The following TSBP1 variants were observed in gnomAD, a reference collection of about 807,000 sequenced individuals.
TSBP1 encodes testis-expressed basic protein 1.
Under a neutral mutation model 68.8 loss-of-function variants are expected in TSBP1, and 56 were observed. The ratio of observed to expected loss-of-function variants is 0.81; its 90% confidence interval spans 0.66 to 1.02. The LOEUF is 1.02. TSBP1 is among the 50% of genes least tolerant of loss of function. TSBP1 has a pLI of 0.00. For synonymous variants in TSBP1, 171 were observed against 208.7 expected, an observed-to-expected ratio of 0.82 and a Z score of 1.56; for missense variants, 502 against 641.2, an observed-to-expected ratio of 0.78 and a Z score of 2.34.
At chr6:32,319,618 T>C (rs1767377668) in intron 18 of TSBP1, among the ~76,000 whole-genome samples, 1 of 151,998 alleles carries the variant, frequency 6.6e-6, no homozygotes, top group Non-Finnish European at 1.5e-5. Flanking sequence ...GTTTTGCACC[T>C]CCATAGCAGG....
At chr6:32,299,855 C>T in intron 22 of TSBP1, 67 bp downstream of exon 25, 2 of 1,319,970 alleles carry the variant, frequency 1.5e-6, no homozygotes, top group Admixed American at 1.7e-5. Flanking sequence ...GGAGTAGAAA[C>T]AGACAGGTCA....
chr6:32,297,857 G>A (rs1254377457), intron 22 of TSBP1, among the ~76,000 whole-genome samples: 4 of 151,954 alleles, frequency 2.6e-5, no homozygotes, highest in African/African-American at 9.7e-5. Flanking sequence ...CCAGGAGTTC[G>A]AGGCCAGCCT....
chr6:32,365,909 A>C lies in TSBP1; in HGVS notation c.217+258T>G. Reference sequence around the variant, plus strand: ...GTGGGAAGAAAGCTCCTATTCTACTATTTTGCTGATGCCTTTCTCTCATAT... The same window carrying C: ...GTGGGAAGAAAGCTCCTATTCTACTCTTTTGCTGATGCCTTTCTCTCATAT... On this transcript the variant is annotated intron_variant, in intron 6 of 22. Transcript: ENST00000612031. The surrounding 1 kb of genome is among the most constrained non-coding windows in gnomAD (Gnocchi z 4.3). 1.7e-6 allele frequency: 1 copy of C among 575,742 alleles called. No individual in the cohort carries two copies. The highest frequency in any genetic ancestry group is 3.3e-6 in the Non-Finnish European group (1 of 304,304). The allele number at this position is 575,742 out of a possible 1,614,324, so 35.7% of individuals were successfully genotyped here. A position where few individuals can be genotyped will look rare whatever the true frequency, so the allele number is the denominator to read the frequency against.
chr6:32,311,125 C>A (rs1487330511), intron 19 of TSBP1, among the ~76,000 whole-genome samples: 1 of 152,112 alleles, frequency 6.6e-6, no homozygotes. Context: ...TTTCTCCCTG[C>A]TCACTACTTC....
intron 2 of TSBP1, 25 bp downstream of exon 2, chr6:32,369,872 T>G (rs1363410210): frequency 7.0e-7 from 1 of 1,426,868 alleles, no homozygotes; most frequent in Non-Finnish European, 9.9e-7. Context: ...ACAGGAAATC[T>G]TCATTTTGAC....
Position 32,338,485 on chromosome 6 carries a change from T to C in TSBP1, c.409+494A>G, listed in dbSNP as rs3817982. Among the ~76,000 whole-genome samples, 51,165 of 152,126 alleles carry C rather than the reference T, an allele frequency of 0.34. 9,668 individuals carry two copies. The highest frequency in any genetic ancestry group is 0.52 in the Middle Eastern group (151 of 292). On this transcript the variant is annotated intron_variant, in intron 11 of 22. Coordinates refer to ENST00000612031, the Ensembl canonical transcript of TSBP1. The surrounding 1 kb of genome is among the most constrained non-coding windows in gnomAD (Gnocchi z 5.5). ...CCAACCAGTGCTTCTTCCAGAGATA[T>C]ATGCTACAGTTTCATTTAAAATTCT...
chr6:32,355,753 T>C, intron 6 of TSBP1, 84 bp from the exon 7 acceptor site: 2 of 1,444,158 alleles, frequency 1.4e-6, no homozygotes, highest in Non-Finnish European at 1.8e-6. Context: ...GATTACCCAA[T>C]CAACACCCTC....
rs993435784 is a variant in TSBP1 at position 32,357,766 on chromosome 6, G to C, written c.218-2097C>G. Among the ~76,000 whole-genome samples the C allele has an allele frequency of 3.3e-5, 5 of 152,180 alleles. No individual in the cohort carries two copies. Among genetic ancestry groups the C allele is most frequent in the Non-Finnish European group, 5.9e-5 (4 of 68,034 alleles). On this transcript the variant is annotated intron_variant, in intron 6 of 22. Coordinates refer to ENST00000612031, the Ensembl canonical transcript of TSBP1. The surrounding 1 kb of genome is among the most constrained non-coding windows in gnomAD (Gnocchi z 4.7). ...AATATCATTCCAAGGTAGATAGTCTGAGCAATTAGGTGAATACAGGTGCTA... is the reference window on the plus strand; with the variant it reads ...AATATCATTCCAAGGTAGATAGTCTCAGCAATTAGGTGAATACAGGTGCTA...
At position 32,315,667 on chromosome 6, in the gene TSBP1, G is replaced by T; in HGVS notation, c.580+105C>A. 1.4e-6 allele frequency: 1 copy of T among 717,766 alleles called. No homozygotes were observed. Among genetic ancestry groups the T allele is most frequent in the Non-Finnish European group, 2.2e-6 (1 of 456,366 alleles). The allele number at this position is 717,766 out of a possible 1,614,324, so 44.5% of individuals were successfully genotyped here. On this transcript the variant is annotated intron_variant, in intron 19 of 22. Coordinates refer to ENST00000612031, the Ensembl canonical transcript of TSBP1. The surrounding 1 kb of genome is among the most constrained non-coding windows in gnomAD (Gnocchi z 5.4). ...CTGGAGGACTTTGGGTAATGTAGAA[G>T]CAAATGAATATGAGAAATATGAGTC...
At chr6:32,324,552 T>TC in intron 16 of TSBP1, 1 of 1,449,238 alleles carries the variant, frequency 6.9e-7, no homozygotes, top group Non-Finnish European at 9.5e-7. Flanking sequence ...GAGGCCAAGA[T>TC]ATATCTCAAG....
chr6:32,355,219 T>G, intron 7 of TSBP1, 75 bp from the exon 8 acceptor site: 1 of 1,449,382 alleles, frequency 6.9e-7, no homozygotes, highest in Non-Finnish European at 9.7e-7. Context: ...TCAGCTTCAG[T>G]TGCTGTCACC....
At chr6:32,324,689 A>T in intron 16 of TSBP1, 2 of 1,550,806 alleles carry the variant, frequency 1.3e-6, no homozygotes, top group Non-Finnish European at 1.7e-6. Context: ...ACTGAAAAAC[A>T]AGCAAAGATA....
rs1766826425 is a variant in TSBP1, at chr6:32,315,295, G to T, written c.580+477C>A. The stretch of plus-strand genomic sequence containing the variant: ...TAAAATAATGGGGCTGGGCGTGGTG[G>T]TTCACACCTGTAAACCCAGCACTTT... On this transcript the variant is annotated intron_variant, in intron 19 of 22. Coordinates refer to ENST00000612031, the Ensembl canonical transcript of TSBP1. This position sits in a 1 kb window ranked among gnomAD's most constrained non-coding sequence, Gnocchi z 5.4. Among the ~76,000 whole-genome samples, 1 of 152,168 alleles carries T rather than the reference G, an allele frequency of 6.6e-6. No individual in the cohort carries two copies. Among genetic ancestry groups the T allele is most frequent in the Non-Finnish European group, 1.5e-5 (1 of 68,024 alleles).
At chr6:32,344,468 A>T (rs1410156252) in intron 9 of TSBP1, among the ~76,000 whole-genome samples, 1 of 152,096 alleles carries the variant, frequency 6.6e-6, no homozygotes, top group Non-Finnish European at 1.5e-5. Context: ...GAGGTAAATA[A>T]GGAGGACAAG....
chr6:32,349,317 C>A (rs959994727), intron 9 of TSBP1, among the ~76,000 whole-genome samples: 2 of 151,774 alleles, frequency 1.3e-5, no homozygotes, highest in Non-Finnish European at 2.9e-5. Flanking sequence ...GCCATCTCTT[C>A]CATTGCTGCC....
intron 9 of TSBP1, among the ~76,000 whole-genome samples, chr6:32,348,741 AT>A (rs1771349181): frequency 6.6e-6 from 1 of 152,086 alleles, no homozygotes; most frequent in South Asian, 2.1e-4. Context: ...ATATCTTTAA[AT>A]TTCATTTTTT....
intron 6 of TSBP1, among the ~76,000 whole-genome samples, chr6:32,359,567 T>C: frequency 6.6e-6 from 1 of 152,190 alleles, no homozygotes; most frequent in Non-Finnish European, 1.5e-5. Flanking sequence ...GATGAGTAGA[T>C]TGCAAAAATT....
intron 18 of TSBP1, among the ~76,000 whole-genome samples, chr6:32,318,475 G>A (rs503042): frequency 0.097 from 14,720 of 152,090 alleles, 1,071 homozygotes; most frequent in African/African-American, 0.19. Flanking sequence ...AAAGCAAGTT[G>A]ATACTACTTA....
Position 32,332,019 on chromosome 6 carries a change from A to T in TSBP1, c.493+15T>A. On this transcript the variant is annotated intron_variant, in intron 15 of 22. Coordinates refer to ENST00000612031, the Ensembl canonical transcript of TSBP1. ...GAAGCCAGTAGAGATAAGTTGATAT[A>T]TACAGGCAGCTTACCAATAGGTCCT... The T allele has an allele frequency of 6.3e-7, 1 of 1,585,508 alleles. No homozygotes were observed. Among genetic ancestry groups the T allele is most frequent in the Non-Finnish European group, 8.7e-7 (1 of 1,155,070 alleles).
Sources: gnomAD v4.1 joint callset for allele counts (sites outside exome capture counted in the v4.1 genomes callset) on GRCh38, gnomAD v4.1.1 for gene constraint, Gnocchi (gnomAD v3.1) non-coding constraint, MANE v1.5 for transcripts, NCBI Gene and HGNC (gene_info 2026-07-23, HGNC 2026-07-21) for gene names.